LONRF3: variants seen among roughly 807,000 people sequenced by gnomAD.
The protein encoded by LONRF3 is LON peptidase N-terminal domain and ring finger 3.
In LONRF3, 19 loss-of-function variants were observed where a neutral mutation model predicts 51.7. That is an observed-to-expected ratio of 0.37 (90% CI 0.26 to 0.54). The LOEUF (loss-of-function observed/expected upper bound fraction) is 0.54. LONRF3 is among the 20% of genes least tolerant of loss of function. The pLI, the probability that LONRF3 is intolerant of heterozygous loss-of-function variation, is 0.86. For missense variants in LONRF3, 521 were observed against 623.9 expected (o/e 0.84, Z 1.76); for synonymous variants, 265 against 257.8 (o/e 1.03, Z -0.27).
intron 7 of LONRF3, among the ~76,000 whole-genome samples, chrX:119,011,256 A>C (rs1260540766): frequency 1.8e-5 from 2 of 111,505 alleles, no homozygotes; most frequent in Admixed American, 9.5e-5. Context: ...TTTGAGCATC[A>C]CTGGGCTGGA....
intron 7 of LONRF3, among the ~76,000 whole-genome samples, chrX:119,011,132 AAAAG>A (rs1383469116): frequency 1.8e-5 from 2 of 110,026 alleles, no homozygotes; most frequent in African/African-American, 3.3e-5. Flanking sequence ...AAAAAAAAGA[AAAAG>A]AAAGACCCTT....
At chrX:118,998,920 A>G in intron 5 of LONRF3, among the ~76,000 whole-genome samples, 1 of 112,147 alleles carries the variant, frequency 8.9e-6, no homozygotes, top group East Asian at 2.8e-4. Context: ...TTGGCCTTCC[A>G]AGGTGCTGGG....
chrX:118,976,107 A>G (rs1172996389), intron 1 of LONRF3, among the ~76,000 whole-genome samples: 1 of 111,980 alleles, frequency 8.9e-6, no homozygotes. Context: ...CCAGCAGGAG[A>G]TGTCCGGTCG....
Position 118,996,012 on chromosome X carries a change from TAAC to T in LONRF3, c.1415+5455_1415+5457del, listed in dbSNP as rs1221031834. Among the ~76,000 whole-genome samples the T allele has an allele frequency of 3.6e-5, 4 of 111,932 alleles. 1 individual carries two copies. Among genetic ancestry groups the T allele is most frequent in the East Asian group, 5.6e-4 (2 of 3,580 alleles). On this transcript the variant is annotated intron_variant, in intron 5 of 10. Transcript: ENST00000371628. ...TTCTATGAAGCCAGCATCACCCTAA[TAAC>T]AAAACCAGGAAAGGACAACCAAAAA...
intron 10 of LONRF3, among the ~76,000 whole-genome samples, chrX:119,014,866 G>A (rs946305341): frequency 3.6e-5 from 4 of 111,716 alleles, no homozygotes; most frequent in South Asian, 3.8e-4. Flanking sequence ...TTCGTGCCTC[G>A]GTCTATCTAT....
At chrX:119,004,260 A>G (rs912408236) in intron 5 of LONRF3, among the ~76,000 whole-genome samples, 1 of 112,083 alleles carries the variant, frequency 8.9e-6, no homozygotes, top group African/African-American at 3.2e-5. Flanking sequence ...ACTACTTTTT[A>G]AACAGAATCA....
chrX:118,990,492 C>T lies in LONRF3; in HGVS notation c.1347C>T (p.Asp449=). The T allele has an allele frequency of 8.3e-7, 1 of 1,210,783 alleles. No homozygotes were observed. Among genetic ancestry groups the T allele is most frequent in the Non-Finnish European group, 1.1e-6 (1 of 894,488 alleles). ...CAGATCCTCCCACTGATCAGGGGGA[C>T]AAACCTGCTCTCAGTTTACCACTTG... ...SKQDPPTDQG[D]KPALSLPLAS... The change falls in exon 5 of 11, where the codon GAC becomes GAT. Residue 449 remains aspartate, a synonymous_variant. Transcript: ENST00000371628.
At chrX:118,999,603 C>T (rs751337359) in intron 5 of LONRF3, among the ~76,000 whole-genome samples, 1 of 111,877 alleles carries the variant, frequency 8.9e-6, no homozygotes, top group Non-Finnish European at 1.9e-5. Context: ...ACTAAGAATC[C>T]TGAGGTGTAA....
rs1022919306 is a variant in LONRF3, at chrX:118,975,359, G to T, written c.579G>T (p.Ala193=). Reference sequence around the variant, plus strand: ...GGCGGGCCGCCGACCGGCGCTGTGCGCTGTGCGGGGTCAAGCTCTCCGCCT... The same window carrying T: ...GGCGGGCCGCCGACCGGCGCTGTGCTCTGTGCGGGGTCAAGCTCTCCGCCT... ...ERGRAADRRC[A]LCGVKLSALM... is the part of the protein sequence containing the mutation. The change falls in exon 1 of 11, where the codon GCG becomes GCT. Residue 193 remains alanine, a synonymous_variant. Coordinates refer to ENST00000371628, the MANE Select transcript of LONRF3 (RefSeq NM_001031855.3). 8.3e-7 allele frequency: 1 copy of T among 1,208,440 alleles called. No individual in the cohort carries two copies. The highest frequency in any genetic ancestry group is 1.7e-5 in the African/African-American group (1 of 57,470).
intron 5 of LONRF3, among the ~76,000 whole-genome samples, chrX:118,999,426 A>G (rs919182095): frequency 8.9e-5 from 10 of 111,950 alleles, no homozygotes; most frequent in African/African-American, 3.3e-4. Context: ...TCCTGCAGGT[A>G]ACACCGTTGT....
intron 6 of LONRF3, among the ~76,000 whole-genome samples, chrX:119,006,579 T>C (rs1924737353): frequency 1.9e-5 from 2 of 103,417 alleles, no homozygotes; most frequent in Non-Finnish European, 4.0e-5. Flanking sequence ...TTTTGTTTTG[T>C]TTTGTTTTGT....
Position 118,978,332 on chromosome X carries a change from C to A in LONRF3, c.818-13C>A, listed in dbSNP as rs368511479. On this transcript the variant is annotated splice_polypyrimidine_tract_variant and intron_variant, in intron 1 of 10. Transcript: ENST00000371628. ...GGGCCATTAATAAAGGTTTTTCTTTCTTATTTTGACAGCTCCAAATGACCA... is the reference window on the plus strand; with the variant it reads ...GGGCCATTAATAAAGGTTTTTCTTTATTATTTTGACAGCTCCAAATGACCA... The A allele has an allele frequency of 1.1e-5, 13 of 1,143,540 alleles. No homozygotes were observed. Among genetic ancestry groups the A allele is most frequent in the Non-Finnish European group, 1.6e-5 (13 of 836,206 alleles). 94.2% of individuals were successfully genotyped at this position (1,143,540 alleles called of 1,213,427 possible).
chrX:119,016,504 C>A (rs5957094), intron 10 of LONRF3, among the ~76,000 whole-genome samples: 37,814 of 108,042 alleles, frequency 0.35, 5,004 homozygotes, highest in Middle Eastern at 0.43. Context: ...CCCGCCACCG[C>A]GCCCGGCTAA....
intron 10 of LONRF3, 49 bp downstream of exon 10, chrX:119,014,405 T>C: frequency 9.1e-7 from 1 of 1,101,226 alleles, no homozygotes. Flanking sequence ...TAGAAGAGAG[T>C]GCCTAGTGTT....
intron 7 of LONRF3, among the ~76,000 whole-genome samples, chrX:119,009,725 C>A (rs1488852578): frequency 9.0e-6 from 1 of 111,620 alleles, no homozygotes; most frequent in Non-Finnish European, 1.9e-5. Context: ...GCCTTAGTTT[C>A]CTTATCTGTA....
intron 5 of LONRF3, among the ~76,000 whole-genome samples, chrX:119,000,826 TCTCTCTCTCTCTCA>T (rs1924252744): frequency 1.6e-5 from 1 of 62,124 alleles, no homozygotes; most frequent in African/African-American, 5.6e-5. Flanking sequence ...TCTCTCTCTC[TCTCTCTCTCTCTCA>T]CTGTCACTCT....
chrX:118,981,811 T>G (rs906818076), intron 2 of LONRF3, among the ~76,000 whole-genome samples: 7 of 111,961 alleles, frequency 6.3e-5, no homozygotes, highest in Non-Finnish European at 1.3e-4. Context: ...CTCTGGGGCC[T>G]GCAAAGAGGC....
intron 1 of LONRF3, chrX:118,976,781 G>A (rs779119148): frequency 4.4e-5 from 5 of 113,448 alleles, no homozygotes; most frequent in South Asian, 3.6e-4. Flanking sequence ...CCAGGAGCTC[G>A]GCCGTGGGGC....
At chrX:118,988,913 C>T (rs747337997) in intron 3 of LONRF3, among the ~76,000 whole-genome samples, 58 of 109,429 alleles carry the variant, frequency 5.3e-4, no homozygotes, top group Non-Finnish European at 9.1e-4. Context: ...ACTTGGCAGG[C>T]CTGTGAACAG....
Sources: gnomAD v4.1 joint callset for allele counts (sites outside exome capture counted in the v4.1 genomes callset) on GRCh38, gnomAD v4.1.1 for gene constraint, MANE v1.5 for transcripts, NCBI Gene and HGNC (gene_info 2026-07-23, HGNC 2026-07-21) for gene names.